IRAG1: variants seen among roughly 807,000 people sequenced by gnomAD.
IRAG1 encodes the protein inositol 1,4,5-triphosphate receptor associated 1.
A neutral mutation model predicts 106.2 loss-of-function variants in IRAG1; 62 were observed. The ratio of observed to expected loss-of-function variants is 0.58; its 90% CI spans 0.48 to 0.72. The LOEUF is 0.72. IRAG1 is among the 30% of genes least tolerant of loss of function. The pLI is 0.00. For missense variants in IRAG1, 1,064 were observed against 1,140.7 expected (o/e 0.93, Z 0.97); for synonymous variants, 462 against 443.9 (o/e 1.04, Z -0.51).
At chr11:10,680,390 AAGGAAGGAAGGAAG>A (rs1861105540) in intron 1 of IRAG1, among the ~76,000 whole-genome samples, 1 of 82,822 alleles carries the variant, frequency 1.2e-5, no homozygotes, top group African/African-American at 7.5e-5. Context: ...GGAAGGAAGG[AAGGAAGGAAGGAAG>A]GAAAGAAAGG....
intron 20 of IRAG1, among the ~76,000 whole-genome samples, chr11:10,577,355 C>T (rs1449840190): frequency 6.6e-6 from 1 of 152,096 alleles, no homozygotes; most frequent in Non-Finnish European, 1.5e-5. Flanking sequence ...CCCCTTTTCC[C>T]TCTTGATTCC....
intron 3 of IRAG1, among the ~76,000 whole-genome samples, chr11:10,633,354 C>T (rs1013512728): frequency 2.6e-5 from 4 of 152,168 alleles, no homozygotes; most frequent in African/African-American, 4.8e-5. Flanking sequence ...GGATTACAGG[C>T]ATGAGCCACT....
At chr11:10,632,209 T>G in intron 3 of IRAG1, 148 bp from the exon 4 acceptor site, 1 of 608,440 alleles carries the variant, frequency 1.6e-6, no homozygotes, top group Non-Finnish European at 2.8e-6. Context: ...TTTTTTTGAC[T>G]CAGTTTTACT....
chr11:10,627,591 C>G, intron 8 of IRAG1, 125 bp downstream of exon 8: 2 of 1,002,294 alleles, frequency 2.0e-6, no homozygotes, highest in Non-Finnish European at 3.1e-6. Context: ...TTCCCCAGCC[C>G]TGACCCTCCA....
intron 10 of IRAG1, among the ~76,000 whole-genome samples, chr11:10,619,858 G>C (rs1246508249): frequency 6.6e-6 from 1 of 152,186 alleles, no homozygotes; most frequent in Non-Finnish European, 1.5e-5. Flanking sequence ...ATGAGAGGGA[G>C]TGTATATTGT....
At chr11:10,621,309 C>G (rs1855817991) in intron 10 of IRAG1, among the ~76,000 whole-genome samples, 1 of 152,126 alleles carries the variant, frequency 6.6e-6, no homozygotes, top group South Asian at 2.1e-4. Context: ...CAGTTCAGAC[C>G]AGGGGCTTCC....
At chr11:10,612,536 T>G (rs530943723) in intron 10 of IRAG1, among the ~76,000 whole-genome samples, 5 of 151,968 alleles carry the variant, frequency 3.3e-5, no homozygotes, top group Non-Finnish European at 5.9e-5. Flanking sequence ...CAACAAAAAC[T>G]AACCTACAAT....
intron 1 of IRAG1, among the ~76,000 whole-genome samples, chr11:10,684,602 TATAATAATAATAATAATA>T (rs72177457): frequency 5.9e-4 from 82 of 138,952 alleles, no homozygotes; most frequent in African/African-American, 1.9e-3. Context: ...AAACTTAAAG[TATAATAATAATAATAATA>T]ATAATAATAA....
intron 1 of IRAG1, among the ~76,000 whole-genome samples, chr11:10,676,837 C>T (rs1327416461): frequency 6.6e-6 from 1 of 152,212 alleles, no homozygotes; most frequent in Non-Finnish European, 1.5e-5. Context: ...CTGGCAAATG[C>T]CAAGCTCAAT....
At chr11:10,668,988 G>A (rs1272007836) in intron 1 of IRAG1, among the ~76,000 whole-genome samples, 1 of 152,156 alleles carries the variant, frequency 6.6e-6, no homozygotes, top group African/African-American at 2.4e-5. Context: ...CTTTGCAGCT[G>A]TAATATTTCC....
chr11:10,652,366 A>G, intron 1 of IRAG1, 184 bp from the exon 2 acceptor site: 2 of 1,428,600 alleles, frequency 1.4e-6, no homozygotes, highest in Non-Finnish European at 1.8e-6. Context: ...CTTTGTTTAC[A>G]AAGTCAGAGG....
chr11:10,634,709 C>T (rs966230166), intron 2 of IRAG1, among the ~76,000 whole-genome samples: 1 of 149,900 alleles, frequency 6.7e-6, no homozygotes. Flanking sequence ...CACATTGTTG[C>T]AAAAGGTGAG....
chr11:10,629,465 A>G, intron 5 of IRAG1, 73 bp downstream of exon 5: 1 of 1,518,216 alleles, frequency 6.6e-7, no homozygotes, highest in Non-Finnish European at 8.9e-7. Context: ...CGCCCACTGC[A>G]GCTGGTGCCA....
chr11:10,599,201 C>T (rs1366171935), intron 15 of IRAG1, among the ~76,000 whole-genome samples: 4 of 152,232 alleles, frequency 2.6e-5, no homozygotes, highest in Admixed American at 1.3e-4. Flanking sequence ...GCACTGGCTA[C>T]ACTGCCTTGA....
chr11:10,660,516 T>C (rs1859309976), intron 1 of IRAG1, among the ~76,000 whole-genome samples: 2 of 151,988 alleles, frequency 1.3e-5, no homozygotes, highest in Admixed American at 1.3e-4. Context: ...CAGGGCCTTT[T>C]CCCCCCAGAG....
intron 1 of IRAG1, among the ~76,000 whole-genome samples, chr11:10,656,433 A>T (rs916330851): frequency 5.3e-5 from 8 of 152,196 alleles, no homozygotes; most frequent in Non-Finnish European, 1.5e-5. Flanking sequence ...ATCTGGTGCA[A>T]ATCTTCCAAG....
chr11:10,691,167 T>C (rs1862026710), intron 1 of IRAG1, among the ~76,000 whole-genome samples: 1 of 152,148 alleles, frequency 6.6e-6, no homozygotes, highest in Non-Finnish European at 1.5e-5. Context: ...ATCAGGCACA[T>C]GTACAAAATC....
At chr11:10,677,960 C>T (rs373229671) in intron 1 of IRAG1, among the ~76,000 whole-genome samples, 10 of 152,376 alleles carry the variant, frequency 6.6e-5, no homozygotes, top group African/African-American at 2.4e-4. Flanking sequence ...ATCCATACTT[C>T]ATTCCTTTTT....
In IRAG1 at chr11:10,573,709, C is replaced by T. The variant is rs946805773; in HGVS notation, c.*2623G>A. On this transcript the variant is annotated 3_prime_UTR_variant, in exon 21 of 21. Coordinates refer to ENST00000423302, the MANE Select transcript of IRAG1 (RefSeq NM_130385.4). ...GCAGGAGCTCTCCATAACTGCCTTC[C>T]TGGCCTTTGACTCATCCAGAAACAA... The T allele has an allele frequency of 1.3e-4, 20 of 152,342 alleles. No individual in the cohort carries two copies. Among genetic ancestry groups the T allele is most frequent in the Admixed American group, 9.1e-4 (14 of 15,306 alleles). The allele number at this position is 152,342 out of a possible 1,614,324, so 9.4% of individuals were successfully genotyped here.
Sources: gnomAD v4.1 joint callset for allele counts (sites outside exome capture counted in the v4.1 genomes callset) on GRCh38, gnomAD v4.1.1 for gene constraint, MANE v1.5 for transcripts, NCBI Gene and HGNC (gene_info 2026-07-23, HGNC 2026-07-21) for gene names.